XKR9: variants seen among roughly 807,000 people sequenced by gnomAD.
XKR9 encodes the protein XK related 9.
XKR9 carries 32 observed loss-of-function variants against 32.0 expected under a neutral mutation model. That is an observed-to-expected ratio of 1.00 (90% CI 0.76 to 1.34). The LOEUF is 1.34. Among genes scored for constraint, XKR9 ranks in the 40% most tolerant of loss-of-function variants. The probability of loss-of-function intolerance (pLI) is 0.00; values close to 1 mark genes in which losing one functional copy is unlikely to be tolerated. For missense variants in XKR9, 546 were observed against 429.7 expected (o/e 1.27, Z -2.39); for synonymous variants, 168 against 143.4 (o/e 1.17, Z -1.22).
At chr8:70,825,391 A>T in the XKR9 span, among the ~76,000 whole-genome samples, 5 of 152,006 alleles carry the variant, frequency 3.3e-5, no homozygotes, top group African/African-American at 1.2e-4. Flanking sequence ...GTCTTCCTTC[A>T]TAGTTTTCTT....
chr8:71,013,205 A>T, the XKR9 span, among the ~76,000 whole-genome samples: 7 of 152,126 alleles, frequency 4.6e-5, no homozygotes, highest in Non-Finnish European at 8.8e-5. Flanking sequence ...TAGAAAGAGT[A>T]TCTAGAGGAA....
At chr8:70,970,001 G>T in the XKR9 span, among the ~76,000 whole-genome samples, 1 of 152,140 alleles carries the variant, frequency 6.6e-6, no homozygotes, top group Non-Finnish European at 1.5e-5. Context: ...CACGATGTTT[G>T]ATTTTCCATT....
intron 2 of XKR9, among the ~76,000 whole-genome samples, chr8:70,785,328 T>C (rs531957982): frequency 2.0e-5 from 3 of 152,104 alleles, no homozygotes; most frequent in African/African-American, 7.2e-5. Context: ...ATGATCGTTT[T>C]TATTTCTGTG....
intron 3 of XKR9, among the ~76,000 whole-genome samples, chr8:70,696,434 T>C (rs1229869438): frequency 1.3e-5 from 2 of 151,712 alleles, no homozygotes; most frequent in Non-Finnish European, 2.9e-5. Context: ...ATTTATTAAA[T>C]AGGGAATCCT....
chr8:71,060,544 A>G, the XKR9 span, among the ~76,000 whole-genome samples: 3 of 152,188 alleles, frequency 2.0e-5, no homozygotes, highest in East Asian at 1.9e-4. Context: ...GCATTTACAT[A>G]TAACAGTGAA....
chr8:70,782,703 C>G (rs955938023), intron 2 of XKR9, among the ~76,000 whole-genome samples: 4 of 152,068 alleles, frequency 2.6e-5, no homozygotes, highest in Admixed American at 2.6e-4. Flanking sequence ...GCTTATTTCA[C>G]TTAGGATAAT....
At chr8:70,969,235 T>A in the XKR9 span, among the ~76,000 whole-genome samples, 1 of 152,166 alleles carries the variant, frequency 6.6e-6, no homozygotes, top group Non-Finnish European at 1.5e-5. Context: ...TCATAGTAAG[T>A]AAAGCTAGTA....
chr8:70,853,542 T>C, the XKR9 span, among the ~76,000 whole-genome samples: 3 of 151,640 alleles, frequency 2.0e-5, no homozygotes, highest in Non-Finnish European at 4.4e-5. Context: ...AAAAAAGACA[T>C]TCTTTTTTTT....
the XKR9 span, among the ~76,000 whole-genome samples, chr8:70,951,867 T>TGGG: frequency 1.4e-4 from 19 of 139,034 alleles, no homozygotes; most frequent in African/African-American, 4.8e-4. Context: ...ATAGCATCAT[T>TGGG]GGGGGGGGGG....
At chr8:70,814,554 T>C in the XKR9 span, among the ~76,000 whole-genome samples, 4 of 151,700 alleles carry the variant, frequency 2.6e-5, no homozygotes, top group African/African-American at 4.8e-5. Flanking sequence ...TTACAGTCTC[T>C]TTCTGATAAA....
At chr8:70,775,796 C>G (rs1005190985) in intron 2 of XKR9, among the ~76,000 whole-genome samples, 1 of 151,034 alleles carries the variant, frequency 6.6e-6, no homozygotes, top group African/African-American at 2.4e-5. Flanking sequence ...GTTGCCCAGA[C>G]TACAGTGGCG....
chr8:70,813,850 G>A, the XKR9 span, among the ~76,000 whole-genome samples: 11 of 152,220 alleles, frequency 7.2e-5, no homozygotes, highest in Non-Finnish European at 1.5e-4. Context: ...TGGTGGGTTT[G>A]TAAACTAGTT....
At chr8:70,683,427 A>G in intron 3 of XKR9, 2 of 396,484 alleles carry the variant, frequency 5.0e-6, no homozygotes, top group Non-Finnish European at 9.8e-6. Flanking sequence ...GTTTACCCAT[A>G]TATTTATACT....
At chr8:70,769,886 G>A (rs1020969100) in intron 2 of XKR9, among the ~76,000 whole-genome samples, 5 of 151,938 alleles carry the variant, frequency 3.3e-5, no homozygotes, top group African/African-American at 2.4e-5. Flanking sequence ...GTTAGAACAT[G>A]CTTCTTTAGC....
At chr8:70,972,419 G>C in the XKR9 span, among the ~76,000 whole-genome samples, 1 of 152,054 alleles carries the variant, frequency 6.6e-6, no homozygotes, top group Admixed American at 6.6e-5. Context: ...GACAATGATG[G>C]TTTGACTTCC....
the XKR9 span, among the ~76,000 whole-genome samples, chr8:70,809,900 G>C: frequency 6.6e-6 from 1 of 152,194 alleles, no homozygotes; most frequent in African/African-American, 2.4e-5. Flanking sequence ...CCCCAATCTA[G>C]CAAGGCAGGC....
chr8:70,906,009 C>T, the XKR9 span, among the ~76,000 whole-genome samples: 1 of 152,164 alleles, frequency 6.6e-6, no homozygotes, highest in Admixed American at 6.5e-5. Context: ...TGGAGGGGCA[C>T]CCAGCTGTAT....
the XKR9 span, among the ~76,000 whole-genome samples, chr8:71,054,013 G>C: frequency 1.3e-5 from 2 of 152,188 alleles, no homozygotes; most frequent in East Asian, 3.8e-4. Context: ...TCAACTGTCA[G>C]GCATGAAAGT....
chr8:70,896,125 A>G, the XKR9 span, among the ~76,000 whole-genome samples: 1 of 152,170 alleles, frequency 6.6e-6, no homozygotes, highest in East Asian at 1.9e-4. Context: ...TGTTTTGTTG[A>G]GGATTTATAC....
Sources: allele counts gnomAD v4.1 joint callset (sites outside exome capture counted in the v4.1 genomes callset), GRCh38; gene constraint gnomAD v4.1.1; transcripts MANE v1.5; gene names NCBI Gene and HGNC (gene_info 2026-07-23, HGNC 2026-07-21).